The following FBXO15 variants were observed in gnomAD, a reference collection of about 807,000 sequenced individuals.
FBXO15 encodes F-box protein 15.
FBXO15 carries 30 observed loss-of-function variants against 49.5 expected under a neutral mutation model. That is an observed-to-expected ratio of 0.61 (90% CI 0.45 to 0.82). The LOEUF (loss-of-function observed/expected upper bound fraction) is 0.82. Among genes scored for constraint, FBXO15 ranks in the 40% least tolerant of loss-of-function variants. The pLI, the probability that FBXO15 is intolerant of heterozygous loss-of-function variation, is 0.00. For missense variants in FBXO15, 591 were observed against 631.5 expected (o/e 0.94, Z 0.69); for synonymous variants, 250 against 232.7 (o/e 1.07, Z -0.68).
At chr18:74,141,212 A>ACCTTGAG (rs1979054520) in intron 1 of FBXO15, among the ~76,000 whole-genome samples, 1 of 152,256 alleles carries the variant, frequency 6.6e-6, no homozygotes, top group Admixed American at 6.5e-5. Context: ...CCTCAAAACC[A>ACCTTGAG]GTAGTACTCA....
chr18:74,074,506 G>T lies in FBXO15; in HGVS notation c.1264-776C>A, dbSNP rs185861784. The stretch of plus-strand genomic sequence containing the variant: ...ATGGCCGACACAGCACTTCCCGGAA[G>T]TGGTCCACTTTCACTATCCATGCCT... On this transcript the variant is annotated intron_variant, in intron 9 of 9. Transcript: ENST00000419743. This position sits in a 1 kb window ranked among gnomAD's most constrained non-coding sequence, Gnocchi z 4.7. Among the ~76,000 whole-genome samples, 191 of 152,256 alleles carry T rather than the reference G, an allele frequency of 1.3e-3. No homozygotes were observed. The highest frequency in any genetic ancestry group is 2.2e-3 in the Non-Finnish European group (148 of 68,018).
intron 8 of FBXO15, among the ~76,000 whole-genome samples, chr18:74,087,960 T>C (rs1286027595): frequency 6.6e-6 from 1 of 152,216 alleles, no homozygotes; most frequent in Admixed American, 6.5e-5. Flanking sequence ...ACTTCTCTAA[T>C]GATTAGTGAT....
chr18:74,123,586 A>G (rs1488453443), intron 7 of FBXO15, 76 bp from the exon 8 acceptor site: 1 of 1,485,432 alleles, frequency 6.7e-7, no homozygotes, highest in Non-Finnish European at 9.0e-7. Context: ...AATACTTTTT[A>G]AAAAATTACC....
At chr18:74,109,564 G>A (rs1267396479) in intron 8 of FBXO15, among the ~76,000 whole-genome samples, 1 of 152,110 alleles carries the variant, frequency 6.6e-6, no homozygotes, top group African/African-American at 2.4e-5. Flanking sequence ...CAATAGCAAA[G>A]ACTTGGAACC....
At chr18:74,111,891 TAGG>T (rs1431163589) in intron 8 of FBXO15, among the ~76,000 whole-genome samples, 2 of 152,000 alleles carry the variant, frequency 1.3e-5, no homozygotes, top group Non-Finnish European at 2.9e-5. Flanking sequence ...AAAAAGATAA[TAGG>T]AGAATACTAT....
At chr18:74,132,774 T>C (rs1454855890) in intron 3 of FBXO15, among the ~76,000 whole-genome samples, 5 of 152,186 alleles carry the variant, frequency 3.3e-5, no homozygotes, top group African/African-American at 1.2e-4. Flanking sequence ...GTTTAGAAAA[T>C]GGGGCCAATT....
At chr18:74,141,058 G>A (rs1021931289) in intron 1 of FBXO15, among the ~76,000 whole-genome samples, 2 of 152,032 alleles carry the variant, frequency 1.3e-5, no homozygotes, top group African/African-American at 4.8e-5. Flanking sequence ...TATTTTCACT[G>A]GCCATCTTTT....
At chr18:74,133,715 G>A (rs1978539259) in intron 3 of FBXO15, among the ~76,000 whole-genome samples, 1 of 152,204 alleles carries the variant, frequency 6.6e-6, no homozygotes, top group African/African-American at 2.4e-5. Context: ...TGAAGCCTCA[G>A]GAAGCTTCTA....
Position 74,141,796 on chromosome 18 carries a change from C to T in FBXO15, c.117-1484G>A, listed in dbSNP as rs114682338. 5.6e-3 allele frequency among the ~76,000 whole-genome samples: 849 copies of T among 152,260 alleles called. 8 individuals carry two copies. The highest frequency in any genetic ancestry group is 0.02 in the African/African-American group (817 of 41,548). On this transcript the variant is annotated intron_variant, in intron 1 of 9. Transcript: ENST00000419743. ...GGTGACAGTGTAGCCTGGAGCCTAC[C>T]GCAAGACAGCATCATGATATGCAGC...
chr18:74,111,320 T>C (rs1411898515), intron 8 of FBXO15, among the ~76,000 whole-genome samples: 1 of 149,302 alleles, frequency 6.7e-6, no homozygotes, highest in Non-Finnish European at 1.5e-5. Context: ...TTTACAAGAC[T>C]GGAAATCATA....
At chr18:74,089,771 T>A (rs148662986) in intron 8 of FBXO15, among the ~76,000 whole-genome samples, 2 of 152,210 alleles carry the variant, frequency 1.3e-5, no homozygotes, top group South Asian at 4.1e-4. Flanking sequence ...TAAAACCTAC[T>A]TGATCATGGT....
At position 74,123,528 on chromosome 18, in the gene FBXO15, A is replaced by G. The variant is rs1380690114; in HGVS notation, c.996-18T>C. On this transcript the variant is annotated intron_variant, in intron 7 of 9. Transcript: ENST00000419743. Reference sequence around the variant, plus strand: ...CATAGGGGCTGAAAAGCAAAACAAAAGAAACATACAAATTTGTCAACACCA... The same window carrying G: ...CATAGGGGCTGAAAAGCAAAACAAAGGAAACATACAAATTTGTCAACACCA... 1 of 1,579,988 alleles carries G rather than the reference A, an allele frequency of 6.3e-7. No individual in the cohort carries two copies. Among genetic ancestry groups the G allele is most frequent in the African/African-American group, 1.4e-5 (1 of 72,578 alleles).
In FBXO15 at chr18:74,147,658, C is replaced by A. The variant is rs1174079296; in HGVS notation, c.116+12G>T. On this transcript the variant is annotated intron_variant, in intron 1 of 9. Coordinates refer to ENST00000419743, the MANE Select transcript of FBXO15 (RefSeq NM_001142958.2). ...CCCGCCAGGGGACCCCACCCGCAGG[C>A]CCTACAGTCACCTGCACCCAAAGGC... 7.0e-7 allele frequency: 1 copy of A among 1,435,560 alleles called. No individual in the cohort carries two copies. Among genetic ancestry groups the A allele is most frequent in the Admixed American group, 2.9e-5 (1 of 34,900 alleles). 88.9% of individuals were successfully genotyped at this position (1,435,560 alleles called of 1,614,324 possible).
chr18:74,140,712 G>A (rs1979023957), intron 1 of FBXO15: 1 of 193,928 alleles, frequency 5.2e-6, no homozygotes, highest in African/African-American at 2.4e-5. Context: ...GAAACCTCAA[G>A]ACCGTACTTA....
In FBXO15 at chr18:74,101,545, C is replaced by T. The variant is rs189264076; in HGVS notation, c.1139-19494G>A. 6.4e-4 allele frequency among the ~76,000 whole-genome samples: 98 copies of T among 152,080 alleles called. 3 individuals are homozygous for T. In the East Asian group the frequency reaches 0.012, roughly 19 times the overall value. On this transcript the variant is annotated intron_variant, in intron 8 of 9. Transcript: ENST00000419743. The stretch of plus-strand genomic sequence containing the variant: ...GTGAAAATGACCATATTGCCAAAAG[C>T]GATCTATAAATTCAATACAATTCCC...
chr18:74,094,299 G>A (rs1913183717), intron 8 of FBXO15, among the ~76,000 whole-genome samples: 1 of 152,154 alleles, frequency 6.6e-6, no homozygotes, highest in African/African-American at 2.4e-5. Context: ...TCTTATGATA[G>A]TGAGTGAATT....
chr18:74,082,247 A>G (rs1415146675), intron 8 of FBXO15, 196 bp from the exon 9 acceptor site: 4 of 440,346 alleles, frequency 9.1e-6, no homozygotes, highest in Non-Finnish European at 1.6e-5. Flanking sequence ...AGGCAGAAAC[A>G]TTAACAAGTG....
intron 8 of FBXO15, among the ~76,000 whole-genome samples, chr18:74,087,920 AG>A (rs1339375912): frequency 2.0e-5 from 3 of 152,218 alleles, no homozygotes; most frequent in Non-Finnish European, 4.4e-5. Context: ...GATTGGTATA[AG>A]ATGGTATCTC....
intron 8 of FBXO15, chr18:74,098,769 C>T (rs1004691915): frequency 6.6e-6 from 1 of 152,168 alleles, no homozygotes; most frequent in African/African-American, 2.4e-5. Context: ...ACAAAGAACA[C>T]CTGGGAGATT....
Sources: allele counts gnomAD v4.1 joint callset (sites outside exome capture counted in the v4.1 genomes callset), GRCh38; gene constraint gnomAD v4.1.1; non-coding constraint Gnocchi (gnomAD v3.1); transcripts MANE v1.5; gene names NCBI Gene and HGNC (gene_info 2026-07-23, HGNC 2026-07-21).